PLXNA2: variants seen among roughly 807,000 people sequenced by gnomAD.
The protein encoded by PLXNA2 is plexin-A2.
Under a neutral mutation model 193.5 loss-of-function variants are expected in PLXNA2, and 91 were observed. That is an observed-to-expected ratio of 0.47 (90% CI 0.40 to 0.56). The LOEUF (loss-of-function observed/expected upper bound fraction) is 0.56. PLXNA2 is among the 20% of genes least tolerant of loss of function. The pLI, the probability that PLXNA2 is intolerant of heterozygous loss-of-function variation, is 0.00. For synonymous variants in PLXNA2, 997 were observed against 1,027.3 expected (o/e 0.97, Z 0.56); for missense variants, 1,995 against 2,503.2 (o/e 0.80, Z 4.33).
At position 208,216,980 on chromosome 1, in the gene PLXNA2, G is replaced by A. The variant is rs767599923; in HGVS notation, c.943C>T (p.Leu315=). ...GCCAGTGAGTCCCCAGGCTTGGCCA[G>A]GTAAGCAGCCTGCAGGAGGCGGTAT... The part of the protein sequence containing the change: ...VEYRLLQAAY[L]AKPGDSLAQA... The change falls in exon 2 of 32, where the codon CTG becomes TTG. Residue 315 remains leucine, a synonymous_variant. Transcript: ENST00000367033. 2.5e-6 allele frequency: 4 copies of A among 1,612,916 alleles called. No homozygotes were observed. In the Admixed American group the frequency reaches 5.0e-5, roughly 20 times the overall value.
At chr1:208,098,705 G>A (rs943426481) in intron 6 of PLXNA2, 141 bp downstream of exon 6, 32 of 931,408 alleles carry the variant, frequency 3.4e-5, no homozygotes, top group East Asian at 1.6e-4. Flanking sequence ...ATTGCCATAC[G>A]TTTGCTATAA....
At chr1:208,091,931 T>C (rs1666725787) in intron 9 of PLXNA2, among the ~76,000 whole-genome samples, 1 of 152,212 alleles carries the variant, frequency 6.6e-6, no homozygotes, top group South Asian at 2.1e-4. Context: ...ATTACCATTT[T>C]TGGATTTTCT....
In PLXNA2 at chr1:208,038,060, T is replaced by C. The variant is rs1664729387; in HGVS notation, c.4764+311A>G. Among the ~76,000 whole-genome samples the C allele has an allele frequency of 6.6e-6, 1 of 152,152 alleles. No homozygotes were observed. The highest frequency in any genetic ancestry group is 2.4e-5 in the African/African-American group (1 of 41,418). ...GAGGGCTTTGCAATATGCATTTGATTTTTGTTGTTGTTGTTGTTTTGTTTT... is the reference window on the plus strand; with the variant it reads ...GAGGGCTTTGCAATATGCATTTGATCTTTGTTGTTGTTGTTGTTTTGTTTT... On this transcript the variant is annotated intron_variant, in intron 26 of 31. Coordinates refer to ENST00000367033, the MANE Select transcript of PLXNA2 (RefSeq NM_025179.4). The surrounding 1 kb of genome is among the most constrained non-coding windows in gnomAD (Gnocchi z 4.1).
At chr1:208,209,921 T>C (rs1426892318) in intron 3 of PLXNA2, 1 of 237,100 alleles carries the variant, frequency 4.2e-6, no homozygotes, top group African/African-American at 2.3e-5. Context: ...ATTTGCGATT[T>C]TGGAGATTTA....
At chr1:208,240,622 A>AG (rs1328515683) in intron 1 of PLXNA2, among the ~76,000 whole-genome samples, 1 of 151,828 alleles carries the variant, frequency 6.6e-6, no homozygotes, top group Non-Finnish European at 1.5e-5. Flanking sequence ...ATTGGGGCTG[A>AG]GGGGGGAACG....
intron 4 of PLXNA2, among the ~76,000 whole-genome samples, chr1:208,115,709 A>G (rs954294602): frequency 2.0e-5 from 3 of 152,216 alleles, no homozygotes; most frequent in African/African-American, 7.2e-5. Flanking sequence ...CCTTGATCCC[A>G]AAGTACTCAT....
chr1:208,060,878 AG>A lies in PLXNA2; in HGVS notation c.2587-42del. 3.1e-6 allele frequency: 5 copies of A among 1,603,068 alleles called. No individual in the cohort carries two copies. In the African/African-American group the frequency reaches 4.0e-5, roughly 13 times the overall value. On this transcript the variant is annotated intron_variant, in intron 12 of 31. Coordinates refer to ENST00000367033, the MANE Select transcript of PLXNA2 (RefSeq NM_025179.4). ...GGGATTAGCAATTTGGTTTGGTCAC[AG>A]GAACAGAAACAGCAGCACCCTTCCC... is the stretch of plus-strand genomic sequence containing the variant.
At chr1:208,218,141 ATACTTTCTCCC>A in intron 1 of PLXNA2, 139 bp from the exon 2 acceptor site, 1 of 680,402 alleles carries the variant, frequency 1.5e-6, no homozygotes, top group Non-Finnish European at 2.5e-6. Context: ...TATTTTTAAC[ATACTTTCTCCC>A]TCTTAGGAAT....
intron 29 of PLXNA2, chr1:208,031,142 G>A: frequency 1.0e-6 from 1 of 1,002,730 alleles, no homozygotes; most frequent in Non-Finnish European, 1.2e-6. Context: ...GGGCGTCTCA[G>A]TTTAATTCAG....
chr1:208,038,517 A>G lies in PLXNA2; in HGVS notation c.4661-43T>C, dbSNP rs781563203. 14 of 1,463,378 alleles carry G rather than the reference A, an allele frequency of 9.6e-6. No homozygotes were observed. The highest frequency in any genetic ancestry group is 8.0e-5 in the South Asian group (7 of 88,034). 90.6% of individuals were successfully genotyped at this position (1,463,378 alleles called of 1,614,324 possible). ...TGCAGGGAGCGGCGTGAGAGGGATG[A>G]GGGCTGTGAGCCAGTGTCTCCCGAT... On this transcript the variant is annotated intron_variant, in intron 25 of 31. Transcript: ENST00000367033. The surrounding 1 kb of genome is among the most constrained non-coding windows in gnomAD (Gnocchi z 4.1).
chr1:208,027,003 G>GC lies in PLXNA2; in HGVS notation c.*239dup. 1 of 429,074 alleles carries GC rather than the reference G, an allele frequency of 2.3e-6. No individual in the cohort carries two copies. Among genetic ancestry groups the GC allele is most frequent in the Non-Finnish European group, 4.2e-6 (1 of 236,728 alleles). 26.6% of individuals were successfully genotyped at this position (429,074 alleles called of 1,614,324 possible). On this transcript the variant is annotated 3_prime_UTR_variant, in exon 32 of 32. Transcript: ENST00000367033. ...CGGCTTGAAGAACCACCTTCTCCCG[G>GC]CCCCGGGTTCTCTGGTGTTCTCACT...
At chr1:208,198,277 C>G (rs1377883418) in intron 3 of PLXNA2, among the ~76,000 whole-genome samples, 1 of 152,188 alleles carries the variant, frequency 6.6e-6, no homozygotes, top group Non-Finnish European at 1.5e-5. Flanking sequence ...TCAGTGTGCT[C>G]CTCCTCCCCA....
intron 3 of PLXNA2, among the ~76,000 whole-genome samples, chr1:208,199,743 A>G (rs1670480294): frequency 6.6e-6 from 1 of 152,240 alleles, no homozygotes; most frequent in Middle Eastern, 3.4e-3. Context: ...AAGGGCCCCA[A>G]AATTGGAATT....
At chr1:208,085,837 G>C (rs889244371) in intron 9 of PLXNA2, among the ~76,000 whole-genome samples, 1 of 152,196 alleles carries the variant, frequency 6.6e-6, no homozygotes, top group Non-Finnish European at 1.5e-5. Flanking sequence ...TACAGGATCT[G>C]CCTCTGGCCC....
chr1:208,198,639 T>A (rs1215785434), intron 3 of PLXNA2, among the ~76,000 whole-genome samples: 1 of 152,172 alleles, frequency 6.6e-6, no homozygotes. Context: ...AGGTGACAGC[T>A]GCCATGTCCC....
At chr1:208,151,898 GA>G (rs942557597) in intron 3 of PLXNA2, among the ~76,000 whole-genome samples, 1 of 152,098 alleles carries the variant, frequency 6.6e-6, no homozygotes, top group African/African-American at 2.4e-5. Flanking sequence ...CCTACATTAG[GA>G]CTAAAAACTA....
intron 12 of PLXNA2, among the ~76,000 whole-genome samples, chr1:208,074,785 G>A (rs1340675906): frequency 6.6e-6 from 1 of 152,072 alleles, no homozygotes; most frequent in Non-Finnish European, 1.5e-5. Flanking sequence ...GCCATCACAG[G>A]CCATCTTAGA....
intron 1 of PLXNA2, among the ~76,000 whole-genome samples, chr1:208,240,292 G>A (rs72741266): frequency 0.018 from 2,771 of 152,324 alleles, 23 homozygotes; most frequent in Middle Eastern, 0.034. Flanking sequence ...TGAGGGCTAA[G>A]CCCAGGAGGA....
In PLXNA2 at chr1:208,152,720, A is replaced by G. The variant is rs564347278; in HGVS notation, c.1372-10257T>C. ...ACACACACACACACACACACACACC[A>G]CCTTCAATTGTCCCCTTTAATAATT... On this transcript the variant is annotated intron_variant, in intron 3 of 31. Transcript: ENST00000367033. Among the ~76,000 whole-genome samples, 3 of 126,822 alleles carry G rather than the reference A, an allele frequency of 2.4e-5. No homozygotes were observed. The South Asian group carries it at 9.4e-4, about 40-fold the overall frequency. 83.2% of individuals were successfully genotyped at this position (126,822 alleles called of 152,430 possible). A position where few individuals can be genotyped will look rare whatever the true frequency, so the allele number is the denominator to read the frequency against.
Sources: allele counts gnomAD v4.1 joint callset (sites outside exome capture counted in the v4.1 genomes callset), GRCh38; gene constraint gnomAD v4.1.1; non-coding constraint Gnocchi (gnomAD v3.1); transcripts MANE v1.5; gene names NCBI Gene and HGNC (gene_info 2026-07-23, HGNC 2026-07-21).